Variants in RASSF3 observed in about 807,000 individuals in gnomAD.
The protein encoded by RASSF3 is ras association domain-containing protein 3.
In RASSF3, 19 loss-of-function variants were observed where a neutral mutation model predicts 19.9. The observed-to-expected ratio is 0.96, with a 90% CI of 0.67 to 1.40. The LOEUF (loss-of-function observed/expected upper bound fraction) is 1.40. Ranked by LOEUF, RASSF3 falls within the 40% of genes most tolerant of loss-of-function variation. The pLI is 0.00. For synonymous variants in RASSF3, 110 were observed against 104.2 expected (o/e 1.06, Z -0.34); for missense variants, 306 against 289.8 (o/e 1.06, Z -0.41).
At chr12:64,684,966 A>G (rs190080347) in intron 2 of RASSF3, 72 bp downstream of exon 2, 10 of 849,672 alleles carry the variant, frequency 1.2e-5, no homozygotes, top group Admixed American at 5.5e-5. Flanking sequence ...ACTACAATCT[A>G]TAGTTCTAAA....
chr12:64,672,427 T>C (rs1592460474), intron 1 of RASSF3, among the ~76,000 whole-genome samples: 1 of 152,166 alleles, frequency 6.6e-6, no homozygotes, highest in Admixed American at 6.5e-5. Context: ...GGTTTCACCA[T>C]GTTGGCCAGG....
chr12:64,686,471 C>T (rs1433178759), intron 2 of RASSF3, among the ~76,000 whole-genome samples: 18 of 152,160 alleles, frequency 1.2e-4, no homozygotes, highest in African/African-American at 3.4e-4. Context: ...ATTAGCCAGG[C>T]GTGGTGGCGG....
rs762822586 is a variant in RASSF3, at chr12:64,689,791, CT to C, written c.457+1351del. The stretch of plus-strand genomic sequence containing the variant: ...GTTTGTAGCTGCTAATTCGCTAATT[CT>C]TTTTTTTTTTTTGAGACGGAGTCTC... On this transcript the variant is annotated intron_variant, in intron 3 of 4. Transcript: ENST00000542104. Among the ~76,000 whole-genome samples the C allele has an allele frequency of 9.2e-4, 89 of 96,496 alleles. 2 individuals carry two copies. The highest frequency in any genetic ancestry group is 0.011 in the Middle Eastern group (1 of 94). The allele number at this position is 96,496 out of a possible 152,430, so 63.3% of individuals were successfully genotyped here.
chr12:64,561,445 C>CT (rs1178345305), intron 2 of RASSF3, among the ~76,000 whole-genome samples: 1 of 152,192 alleles, frequency 6.6e-6, no homozygotes, highest in Admixed American at 6.5e-5. Context: ...GCCCCAGGGA[C>CT]TAGATGCCAG....
At chr12:64,692,317 G>A (rs921121567) in intron 4 of RASSF3, among the ~76,000 whole-genome samples, 12 of 152,152 alleles carry the variant, frequency 7.9e-5, no homozygotes, top group African/African-American at 2.9e-4. Flanking sequence ...GTTAGGAAAC[G>A]GCTCTGTTTC....
At chr12:64,598,620 C>A (rs1290072864) in intron 2 of RASSF3, among the ~76,000 whole-genome samples, 1 of 152,162 alleles carries the variant, frequency 6.6e-6, no homozygotes, top group Non-Finnish European at 1.5e-5. Flanking sequence ...ATTCTGAGGG[C>A]ACTGTTAGGT....
At chr12:64,684,497 C>T (rs1215339778) in intron 1 of RASSF3, among the ~76,000 whole-genome samples, 1 of 146,732 alleles carries the variant, frequency 6.8e-6, no homozygotes, top group Non-Finnish European at 1.5e-5. Flanking sequence ...ATGGCGTGAT[C>T]TCAGCTTACC....
upstream of RASSF3, among the ~76,000 whole-genome samples, chr12:64,530,385 C>T (rs1868682553): frequency 6.6e-6 from 1 of 151,858 alleles, no homozygotes; most frequent in Admixed American, 6.6e-5. Context: ...TCAAGCAATC[C>T]ACCCGCCTCA....
intron 1 of RASSF3, among the ~76,000 whole-genome samples, chr12:64,662,996 A>G (rs146141812): frequency 6.6e-6 from 1 of 152,220 alleles, no homozygotes; most frequent in Non-Finnish European, 1.5e-5. Context: ...AGCTATTAAC[A>G]TATATAATGT....
chr12:64,513,703 T>C (rs917091131), intron 1 of RASSF3, among the ~76,000 whole-genome samples: 3 of 151,974 alleles, frequency 2.0e-5, no homozygotes, highest in Non-Finnish European at 2.9e-5. Context: ...AAGGCTCAAA[T>C]CTCAAGAACC....
At chr12:64,575,372 T>C (rs1340050056) in intron 2 of RASSF3, among the ~76,000 whole-genome samples, 1 of 152,110 alleles carries the variant, frequency 6.6e-6, no homozygotes, top group Non-Finnish European at 1.5e-5. Context: ...GCTAACACAG[T>C]CAAACCCCGT....
chr12:64,557,681 A>G lies in RASSF3; in HGVS notation c.294+15976A>G, dbSNP rs546863027. ...TCCATTTATTCTTTCTACGGGGAAC[A>G]CAGCACCACAGAGACATCTCTGATT... On this transcript the variant is annotated intron_variant, in intron 2 of 5. Transcript: ENST00000637125. Among the ~76,000 whole-genome samples, 30 of 152,290 alleles carry G rather than the reference A, an allele frequency of 2.0e-4. 2 individuals carry two copies. In the South Asian group the frequency reaches 6.2e-3, roughly 32 times the overall value.
At chr12:64,581,863 T>G (rs1407908466) in intron 2 of RASSF3, among the ~76,000 whole-genome samples, 1 of 150,976 alleles carries the variant, frequency 6.6e-6, no homozygotes, top group African/African-American at 2.5e-5. Context: ...GACCTTTTTT[T>G]TTTGTTTTTC....
chr12:64,521,982 G>A (rs1265234119), intron 1 of RASSF3, among the ~76,000 whole-genome samples: 2 of 152,210 alleles, frequency 1.3e-5, no homozygotes, highest in Non-Finnish European at 2.9e-5. Context: ...ATCTCAATTG[G>A]AGAAGGGAGT....
intron 1 of RASSF3, among the ~76,000 whole-genome samples, chr12:64,660,539 A>G (rs930180033): frequency 3.3e-5 from 5 of 152,190 alleles, no homozygotes; most frequent in Non-Finnish European, 7.3e-5. Context: ...GAAGATTAAT[A>G]CTTTGACATA....
At chr12:64,606,121 T>C (rs1435322481), upstream of RASSF3, among the ~76,000 whole-genome samples, 1 of 152,026 alleles carries the variant, frequency 6.6e-6, no homozygotes, top group East Asian at 1.9e-4. Flanking sequence ...AGGTTTCTTT[T>C]AAAAGTGAGG....
rs1873446771 is a variant in RASSF3 at position 64,688,444 on chromosome 12, G to A, written c.448G>A (p.Glu150Lys). The A allele has an allele frequency of 6.2e-7, 1 of 1,611,392 alleles. No individual in the cohort carries two copies. Among genetic ancestry groups the A allele is most frequent in the Non-Finnish European group, 8.5e-7 (1 of 1,177,446 alleles). ...TGCACTTTATAAGCGTTGTCACAGG[G>A]AAGACCAAGGTACGCTGCCAGCTTA... is the stretch of plus-strand genomic sequence containing the variant. ...KFALYKRCHR[E>K]DQVYACKLSD... Residue 150 changes from glutamate to lysine, a missense_variant, in exon 3 of 5, where the codon GAA (glutamate) becomes AAA (lysine). By Grantham distance (56) the Glu-to-Lys change is moderately conservative (BLOSUM62 1). Transcript: ENST00000542104.
chr12:64,559,225 A>G lies in RASSF3; in HGVS notation c.294+17520A>G, dbSNP rs189977742. Among the ~76,000 whole-genome samples, 359 of 145,876 alleles carry G rather than the reference A, an allele frequency of 2.5e-3. 2 individuals are homozygous for G. Among genetic ancestry groups the G allele is most frequent in the African/African-American group, 8.6e-3 (341 of 39,776 alleles). Reference sequence around the variant, plus strand: ...CGTGTCCTCTGGGTCCTGTGGGTCCATTTTCTTTTCTTCTTTTTTTCTTTT... The same window carrying G: ...CGTGTCCTCTGGGTCCTGTGGGTCCGTTTTCTTTTCTTCTTTTTTTCTTTT... On this transcript the variant is annotated intron_variant, in intron 2 of 5. Coordinates refer to the RASSF3 transcript ENST00000637125.
intron 1 of RASSF3, among the ~76,000 whole-genome samples, chr12:64,679,834 TG>T (rs1873054349): frequency 6.6e-6 from 1 of 152,142 alleles, no homozygotes; most frequent in African/African-American, 2.4e-5. Flanking sequence ...AAAGATGACT[TG>T]TAACTCACCA....
Sources: gnomAD v4.1 joint callset for allele counts (sites outside exome capture counted in the v4.1 genomes callset) on GRCh38, gnomAD v4.1.1 for gene constraint, MANE v1.5 for transcripts, NCBI Gene and HGNC (gene_info 2026-07-23, HGNC 2026-07-21) for gene names.